Variants in FAM216B observed in about 807,000 individuals in gnomAD.
The protein encoded by FAM216B is protein FAM216B.
Under a neutral mutation model 12.9 loss-of-function variants are expected in FAM216B, and 11 were observed. The ratio of observed to expected loss-of-function variants is 0.86; its 90% CI spans 0.54 to 1.42. FAM216B has a LOEUF of 1.42. Ranked by LOEUF, FAM216B falls within the 40% of genes most tolerant of loss-of-function variation. FAM216B has a pLI of 0.00. For missense variants in FAM216B, 167 were observed against 162.9 expected (o/e 1.02, Z -0.14); for synonymous variants, 52 against 57.2 (o/e 0.91, Z 0.41).
chr13:42,788,568 T>G (rs564525880), intron 3 of FAM216B, 23 bp from the exon 4 acceptor site: 2 of 1,537,216 alleles, frequency 1.3e-6, no homozygotes, highest in African/African-American at 2.8e-5. Context: ...GATTTTGAAG[T>G]TTCTCTCATT....
At chr13:42,781,868 T>A (rs1046540602) in intron 1 of FAM216B, among the ~76,000 whole-genome samples, 2 of 152,234 alleles carry the variant, frequency 1.3e-5, no homozygotes, top group East Asian at 3.8e-4. Context: ...CATTTCTTTA[T>A]GCTATTTGAG....
At chr13:42,782,957 A>ACATTT in intron 1 of FAM216B, among the ~76,000 whole-genome samples, 1 of 152,298 alleles carries the variant, frequency 6.6e-6, no homozygotes, top group South Asian at 2.1e-4. Flanking sequence ...TGTATAAATT[A>ACATTT]TGATCTCCCT....
At chr13:42,787,791 T>A (rs1371982570) in intron 3 of FAM216B, among the ~76,000 whole-genome samples, 1 of 152,226 alleles carries the variant, frequency 6.6e-6, no homozygotes, top group Non-Finnish European at 1.5e-5. Flanking sequence ...AGTTACCTTT[T>A]ATTGAGGACT....
At chr13:42,783,623 A>G (rs1261807615) in intron 1 of FAM216B, among the ~76,000 whole-genome samples, 1 of 152,120 alleles carries the variant, frequency 6.6e-6, no homozygotes. Context: ...CTCAACTTGT[A>G]TGAGTAATCT....
Position 42,789,056 on chromosome 13 carries a change from G to C in FAM216B, c.*266G>C. On this transcript the variant is annotated 3_prime_UTR_variant, in exon 4 of 4. Coordinates refer to ENST00000313851, the MANE Select transcript of FAM216B (RefSeq NM_001318932.2). ...CAAAGTAAAAGTTTACTTTGGATTA[G>C]AACCTCCTAGAGAAGTCCCCAAAAC... 1 of 291,938 alleles carries C rather than the reference G, an allele frequency of 3.4e-6. No individual in the cohort carries two copies. The highest frequency in any genetic ancestry group is 6.5e-6 in the Non-Finnish European group (1 of 153,802). 18.1% of individuals were successfully genotyped at this position (291,938 alleles called of 1,614,324 possible).
rs1290596896 is a variant in FAM216B, at chr13:42,790,751, C to T, written c.*1961C>T. The stretch of plus-strand genomic sequence containing the variant: ...TTAACTGTTGGAGAAAATGCTATTG[C>T]TTGCACTCACAATGTCAATATACAT... On this transcript the variant is annotated 3_prime_UTR_variant, in exon 4 of 4. Coordinates refer to ENST00000313851, the MANE Select transcript of FAM216B (RefSeq NM_001318932.2). 4 of 152,298 alleles carry T rather than the reference C, an allele frequency of 2.6e-5. No homozygotes were observed. The highest frequency in any genetic ancestry group is 4.8e-5 in the African/African-American group (2 of 41,562). The allele number at this position is 152,298 out of a possible 1,614,324, so 9.4% of individuals were successfully genotyped here. A position where few individuals can be genotyped will look rare whatever the true frequency, so the allele number is the denominator to read the frequency against.
At chr13:42,783,654 A>C (rs1873945749) in intron 1 of FAM216B, among the ~76,000 whole-genome samples, 1 of 152,060 alleles carries the variant, frequency 6.6e-6, no homozygotes. Context: ...TTCAATTTTT[A>C]AATTTTTCCA....
intron 2 of FAM216B, among the ~76,000 whole-genome samples, chr13:42,786,113 C>T (rs1347336147): frequency 2.6e-5 from 4 of 152,144 alleles, no homozygotes; most frequent in Non-Finnish European, 5.9e-5. Context: ...AGTCTTTTCA[C>T]AATCAGACTC....
intron 1 of FAM216B, 97 bp from the exon 2 acceptor site, chr13:42,783,957 A>G: frequency 1.4e-6 from 1 of 693,296 alleles, no homozygotes; most frequent in Non-Finnish European, 2.4e-6. Context: ...TTACATTTTT[A>G]AAAATTCATT....
At position 42,788,798 on chromosome 13, in the gene FAM216B, C is replaced by A. The variant is rs1348391811; in HGVS notation, c.*8C>A. On this transcript the variant is annotated 3_prime_UTR_variant, in exon 4 of 4. Coordinates refer to ENST00000313851, the MANE Select transcript of FAM216B (RefSeq NM_001318932.2). ...CAAGTGCTCAGGAACTGAGACTTGG[C>A]AGCATTTTCAGAAACAGGAAGTTTG... 2 of 1,595,426 alleles carry A rather than the reference C, an allele frequency of 1.3e-6. No individual in the cohort carries two copies. Among genetic ancestry groups the A allele is most frequent in the African/African-American group, 1.3e-5 (1 of 74,074 alleles).
At chr13:42,782,995 G>GA (rs369484341) in intron 1 of FAM216B, among the ~76,000 whole-genome samples, 10,366 of 149,110 alleles carry the variant, frequency 0.07, 489 homozygotes, top group Non-Finnish European at 0.1. Context: ...AATGTACACA[G>GA]AAAAAAAAAA....
rs921488275 is a variant in FAM216B, at chr13:42,784,162, T to C, written c.95T>C (p.Leu32Pro). 1.8e-6 allele frequency: 2 copies of C among 1,128,202 alleles called. No individual in the cohort carries two copies. The highest frequency in any genetic ancestry group is 2.6e-6 in the Non-Finnish European group (2 of 776,400). The allele number at this position is 1,128,202 out of a possible 1,614,324, so 69.9% of individuals were successfully genotyped here. A position where few individuals can be genotyped will look rare whatever the true frequency, so the allele number is the denominator to read the frequency against. The change falls in exon 2 of 4, where the codon CTA becomes CCA. Residue 32 changes from leucine to proline, a missense_variant. By Grantham distance (98) the Leu-to-Pro change is moderately conservative. Transcript: ENST00000313851. Reference protein sequence around the residue: ...VPPSIYDTSLLKALNQGQQRY... With the variant: ...VPPSIYDTSLPKALNQGQQRY... The stretch of plus-strand genomic sequence containing the variant: ...CCCTCCATCTATGACACTTCCTTAC[T>C]AAAGGTATGGCTTTTTTTTTTTTTT...
In FAM216B at chr13:42,784,135, C is replaced by G; in HGVS notation, c.68C>G (p.Pro23Arg). The G allele has an allele frequency of 1.9e-6, 3 of 1,604,144 alleles. No homozygotes were observed. The highest frequency in any genetic ancestry group is 2.6e-6 in the Non-Finnish European group (3 of 1,176,176). The change falls in exon 2 of 4, where the codon CCT becomes CGT. Residue 23 changes from proline (P) to arginine (R), a missense_variant. Pro to Arg is a moderately radical substitution (Grantham distance 103). Transcript: ENST00000313851. ...CCACAACTTCCTTTTATTCGAGTTC[C>G]TCCCTCCATCTATGACACTTCCTTA... is the stretch of plus-strand genomic sequence containing the variant. The part of the protein sequence containing the change: ...NVPQLPFIRV[P>R]PSIYDTSLLK...
At chr13:42,785,699 C>G (rs1424814713) in intron 2 of FAM216B, among the ~76,000 whole-genome samples, 1 of 152,176 alleles carries the variant, frequency 6.6e-6, no homozygotes, top group Non-Finnish European at 1.5e-5. Context: ...TTCTTTCTAC[C>G]TTTAAGAAAG....
intron 1 of FAM216B, among the ~76,000 whole-genome samples, chr13:42,782,526 G>T (rs1391388265): frequency 6.6e-6 from 1 of 152,182 alleles, no homozygotes; most frequent in Non-Finnish European, 1.5e-5. Context: ...ACGTTTAGCA[G>T]ATTGTTACTA....
chr13:42,790,406 A>G lies in FAM216B; in HGVS notation c.*1616A>G, dbSNP rs1458938853. The stretch of plus-strand genomic sequence containing the variant: ...CAGAATATCAAGGAGGCCACTTACA[A>G]TTCTAAGCTGCATCCCTGTATCAAA... On this transcript the variant is annotated 3_prime_UTR_variant, in exon 4 of 4. Transcript: ENST00000313851. 6.6e-6 allele frequency: 1 copy of G among 152,032 alleles called. No individual in the cohort carries two copies. Among genetic ancestry groups the G allele is most frequent in the African/African-American group, 2.4e-5 (1 of 41,366 alleles). The allele number at this position is 152,032 out of a possible 1,614,324, so 9.4% of individuals were successfully genotyped here. A position where few individuals can be genotyped will look rare whatever the true frequency, so the allele number is the denominator to read the frequency against.
In FAM216B at chr13:42,788,628, T is replaced by C. The variant is rs1874183536; in HGVS notation, c.258T>C (p.Leu86=). ...ITQREALSYA[L]VLRDSTKRAS... ...AACGGGAAGCCTTGTCTTATGCTCTTGTACTTAGAGATTCAACCAAGAGAG... is the reference window on the plus strand; with the variant it reads ...AACGGGAAGCCTTGTCTTATGCTCTCGTACTTAGAGATTCAACCAAGAGAG... Residue 86 remains leucine, a synonymous_variant, in exon 4 of 4, where the codon CTT becomes CTC. Transcript: ENST00000313851. 1 of 1,613,858 alleles carries C rather than the reference T, an allele frequency of 6.2e-7. No homozygotes were observed. Among genetic ancestry groups the C allele is most frequent in the Non-Finnish European group, 8.5e-7 (1 of 1,179,878 alleles).
rs1479869878 is a variant in FAM216B, at chr13:42,784,061, A to T, written c.-7A>T. The T allele has an allele frequency of 6.3e-7, 1 of 1,594,266 alleles. No individual in the cohort carries two copies. Among genetic ancestry groups the T allele is most frequent in the East Asian group, 2.2e-5 (1 of 44,716 alleles). On this transcript the variant is annotated 5_prime_UTR_variant, in exon 2 of 4. Coordinates refer to ENST00000313851, the MANE Select transcript of FAM216B (RefSeq NM_001318932.2). Reference sequence around the variant, plus strand: ...CTTTGTTGTTTCTTGGAGGTATAGGATAAACGATGGGACAAAACTGGAAAA... The same window carrying T: ...CTTTGTTGTTTCTTGGAGGTATAGGTTAAACGATGGGACAAAACTGGAAAA...
At chr13:42,787,210 G>A (rs1474961363) in intron 3 of FAM216B, among the ~76,000 whole-genome samples, 1 of 152,166 alleles carries the variant, frequency 6.6e-6, no homozygotes, top group Non-Finnish European at 1.5e-5. Context: ...TCAGCTCCTT[G>A]CTGTGTGCAA....
Sources: allele counts gnomAD v4.1 joint callset (sites outside exome capture counted in the v4.1 genomes callset), GRCh38; gene constraint gnomAD v4.1.1; transcripts MANE v1.5; gene names NCBI Gene and HGNC (gene_info 2026-07-23, HGNC 2026-07-21).